The following BRDT variants were observed in gnomAD, a reference collection of about 807,000 sequenced individuals.
BRDT encodes the protein bromodomain testis associated.
Under a neutral mutation model 113.9 loss-of-function variants are expected in BRDT, and 77 were observed. The observed-to-expected ratio is 0.68, with a 90% CI of 0.56 to 0.82. The LOEUF is 0.82. Ranked by LOEUF, BRDT falls within the 40% of genes least tolerant of loss-of-function variation. The pLI, the probability that BRDT is intolerant of heterozygous loss-of-function variation, is 0.00. For synonymous variants in BRDT, 358 were observed against 366.5 expected, an observed-to-expected ratio of 0.98 and a Z score of 0.26; for missense variants, 1,027 against 1,105.4, an observed-to-expected ratio of 0.93 and a Z score of 1.01.
chr1:91,960,816 ATTTCAT>A (rs1283672406), intron 1 of BRDT, among the ~76,000 whole-genome samples: 3 of 152,134 alleles, frequency 2.0e-5, no homozygotes, highest in Non-Finnish European at 4.4e-5. Context: ...TGGGCAACTT[ATTTCAT>A]TTTCATTTTG....
At chr1:92,002,224 T>G (rs1382312604) in intron 16 of BRDT, 75 bp downstream of exon 16, 1 of 1,023,344 alleles carries the variant, frequency 9.8e-7, no homozygotes, top group Non-Finnish European at 1.5e-6. Context: ...CAAGAGGTAT[T>G]TAAAAGCCCT....
intron 1 of BRDT, among the ~76,000 whole-genome samples, chr1:91,960,926 GA>G (rs1682378624): frequency 6.6e-6 from 1 of 152,126 alleles, no homozygotes; most frequent in Non-Finnish European, 1.5e-5. Flanking sequence ...CCGTCTTTCT[GA>G]AACACCTATG....
At chr1:91,966,017 AATTTT>A (rs1683033972) in intron 3 of BRDT, among the ~76,000 whole-genome samples, 2 of 151,948 alleles carry the variant, frequency 1.3e-5, no homozygotes, top group South Asian at 2.1e-4. Flanking sequence ...TATATGTAGA[AATTTT>A]ATTTTATTTT....
intron 18 of BRDT, among the ~76,000 whole-genome samples, chr1:92,009,334 T>TATAA (rs1331430799): frequency 6.6e-6 from 1 of 152,114 alleles, no homozygotes; most frequent in African/African-American, 2.4e-5. Flanking sequence ...TATATATATA[T>TATAA]AACATTTCTT....
chr1:92,013,223 A>AG (rs2101849004), intron 18 of BRDT, among the ~76,000 whole-genome samples: 1 of 152,032 alleles, frequency 6.6e-6, no homozygotes, highest in Non-Finnish European at 1.5e-5. Flanking sequence ...GTTTCAAAAA[A>AG]AAAAAAAAAG....
chr1:91,958,856 A>G (rs997712476), intron 1 of BRDT, among the ~76,000 whole-genome samples: 1 of 152,094 alleles, frequency 6.6e-6, no homozygotes, highest in African/African-American at 2.4e-5. Context: ...GTAGTTCGAG[A>G]CCAGCCTGGG....
At chr1:91,996,547 C>G (rs1686358392) in intron 15 of BRDT, among the ~76,000 whole-genome samples, 1 of 152,124 alleles carries the variant, frequency 6.6e-6, no homozygotes, top group South Asian at 2.1e-4. Flanking sequence ...ACACCCAGCC[C>G]CAGGTTTTAT....
Position 91,967,258 on chromosome 1 carries a change from G to A in BRDT, c.331-888G>A, listed in dbSNP as rs542838944. Among the ~76,000 whole-genome samples, 20 of 151,066 alleles carry A rather than the reference G, an allele frequency of 1.3e-4. No individual in the cohort carries two copies. In the East Asian group the frequency reaches 1.6e-3, roughly 12 times the overall value. On this transcript the variant is annotated intron_variant, in intron 3 of 18. Transcript: ENST00000399546. ...AAATTCTCTTTTTTTTTTTTAAGACGGAGTTTTCGCTCTTGTTGCCCAGGC... is the reference window on the plus strand; with the variant it reads ...AAATTCTCTTTTTTTTTTTTAAGACAGAGTTTTCGCTCTTGTTGCCCAGGC...
At chr1:92,012,940 C>T (rs1162024646) in intron 18 of BRDT, among the ~76,000 whole-genome samples, 1 of 146,998 alleles carries the variant, frequency 6.8e-6, no homozygotes, top group Non-Finnish European at 1.5e-5. Context: ...TAGTTCATGC[C>T]AGTTGCAGCA....
At chr1:91,981,471 C>A in intron 11 of BRDT, 90 bp downstream of exon 11, 1 of 1,507,204 alleles carries the variant, frequency 6.6e-7, no homozygotes, top group Non-Finnish European at 9.1e-7. Flanking sequence ...TCTTGAACTC[C>A]TGGCCTCATG....
chr1:91,981,777 A>C, intron 12 of BRDT, 22 bp downstream of exon 12: 2 of 1,585,324 alleles, frequency 1.3e-6, no homozygotes, highest in Non-Finnish European at 1.7e-6. Context: ...CCTTAAATGT[A>C]CCTCTGTTGA....
intron 16 of BRDT, among the ~76,000 whole-genome samples, chr1:92,002,732 C>T (rs917926917): frequency 6.6e-6 from 1 of 152,114 alleles, no homozygotes; most frequent in Non-Finnish European, 1.5e-5. Flanking sequence ...AATTTTAAAG[C>T]ATGTCATAAA....
At position 91,965,201 on chromosome 1, in the gene BRDT, A is replaced by G. The variant is rs141396821; in HGVS notation, c.330+437A>G. 1.9e-3 allele frequency among the ~76,000 whole-genome samples: 292 copies of G among 152,198 alleles called. 5 individuals are homozygous for G. Among genetic ancestry groups the G allele is most frequent in the African/African-American group, 6.5e-3 (269 of 41,528 alleles). Reference sequence around the variant, plus strand: ...AGTTCTGGGATTATAGGTGTGAGCCACTGTGCCCGGCCAAGATCTTTTACA... The same window carrying G: ...AGTTCTGGGATTATAGGTGTGAGCCGCTGTGCCCGGCCAAGATCTTTTACA... On this transcript the variant is annotated intron_variant, in intron 3 of 18. Transcript: ENST00000399546.
chr1:92,005,089 C>A, intron 17 of BRDT, 30 bp from the exon 18 acceptor site: 2 of 1,405,432 alleles, frequency 1.4e-6, no homozygotes, highest in African/African-American at 1.5e-5. Flanking sequence ...AACTTGAAAC[C>A]TACTTTGAGC....
intron 3 of BRDT, among the ~76,000 whole-genome samples, chr1:91,965,850 A>G (rs10875101): frequency 0.72 from 108,350 of 150,768 alleles, 39,788 homozygotes; most frequent in Middle Eastern, 0.83. Context: ...CTTCTCAAAA[A>G]AAAAAAAAAA....
intron 4 of BRDT, among the ~76,000 whole-genome samples, chr1:91,976,062 T>C (rs1170117224): frequency 6.6e-6 from 1 of 152,188 alleles, no homozygotes; most frequent in South Asian, 2.1e-4. Flanking sequence ...AAACCTACCA[T>C]TAATAACAAA....
chr1:91,986,808 C>A (rs1685284334), intron 12 of BRDT, among the ~76,000 whole-genome samples: 1 of 152,024 alleles, frequency 6.6e-6, no homozygotes, highest in African/African-American at 2.4e-5. Context: ...TAGATTTTAA[C>A]TTTTTAGAGG....
At chr1:91,968,571 G>A (rs1440952660) in intron 4 of BRDT, among the ~76,000 whole-genome samples, 1 of 152,110 alleles carries the variant, frequency 6.6e-6, no homozygotes, top group African/African-American at 2.4e-5. Context: ...CATCTGTGCT[G>A]TACTGATAAG....
intron 12 of BRDT, among the ~76,000 whole-genome samples, chr1:91,986,993 A>G (rs1471675269): frequency 6.6e-6 from 1 of 151,134 alleles, no homozygotes. Flanking sequence ...GCTGGAGGGC[A>G]GTGGCTCGAT....
Sources: gnomAD v4.1 joint callset for allele counts (sites outside exome capture counted in the v4.1 genomes callset) on GRCh38, gnomAD v4.1.1 for gene constraint, MANE v1.5 for transcripts, NCBI Gene and HGNC (gene_info 2026-07-23, HGNC 2026-07-21) for gene names.